Variants in DSG4 observed in about 807,000 individuals in gnomAD.
The protein encoded by DSG4 is desmoglein 4, also known as desmoglein-4.
DSG4 carries 87 observed loss-of-function variants against 93.1 expected under a neutral mutation model. The observed-to-expected ratio is 0.93, with a 90% CI of 0.79 to 1.12. The LOEUF (loss-of-function observed/expected upper bound fraction) is 1.12, where lower values mean the gene tolerates loss of function less well. Among genes scored for constraint, DSG4 ranks in the 50% most tolerant of loss-of-function variants. The pLI, the probability that DSG4 is intolerant of heterozygous loss-of-function variation, is 0.00. For missense variants in DSG4, 1,373 were observed against 1,285.7 expected, an observed-to-expected ratio of 1.07 and a Z score of -1.04; for synonymous variants, 432 against 452.9, an observed-to-expected ratio of 0.95 and a Z score of 0.59.
intron 12 of DSG4, 78 bp downstream of exon 12, chr18:31,406,451 T>C: frequency 6.4e-7 from 1 of 1,568,160 alleles, no homozygotes; most frequent in Non-Finnish European, 8.7e-7. Flanking sequence ...GATGGTTAGG[T>C]TCATGGAGCC....
At chr18:31,387,236 G>A (rs2144170764) in intron 3 of DSG4, among the ~76,000 whole-genome samples, 1 of 152,216 alleles carries the variant, frequency 6.6e-6, no homozygotes, top group East Asian at 1.9e-4. Context: ...TCTACATCCA[G>A]AAAATAAGAG....
Position 31,413,180 on chromosome 18 carries a change from G to A in DSG4, c.2708G>A (p.Gly903Glu). 6.2e-7 allele frequency: 1 copy of A among 1,614,072 alleles called. No homozygotes were observed. The highest frequency in any genetic ancestry group is 1.3e-5 in the African/African-American group (1 of 75,008). ...EMAASEPVVH[G>E]DIIVTETYGN... is the part of the protein sequence containing the mutation. ...GCAGCATCTGAACCCGTGGTCCATG[G>A]GGATATTATTGTGACTGAGACTTAC... The change falls in exon 16 of 16, where the codon GGG becomes GAG. Residue 903 changes from glycine (G) to glutamate (E), a missense_variant. Physicochemically the swap from Gly to Glu is moderately conservative, Grantham distance 98. Transcript: ENST00000308128.
At chr18:31,383,134 C>T (rs1403196101) in intron 1 of DSG4, among the ~76,000 whole-genome samples, 1 of 152,200 alleles carries the variant, frequency 6.6e-6, no homozygotes, top group African/African-American at 2.4e-5. Flanking sequence ...TTTCTTCCTT[C>T]GTCTTTACAA....
rs557277321 is a variant in DSG4 at position 31,403,355 on chromosome 18, T to A, written c.1418-61T>A. ...AGTTCCATGGCATCATCAGGGGATA[T>A]GAGAAAGAGTTTTCTCCCTAACACC... is the stretch of plus-strand genomic sequence containing the variant. On this transcript the variant is annotated intron_variant, in intron 10 of 15. Coordinates refer to ENST00000308128, the MANE Select transcript of DSG4 (RefSeq NM_177986.5). 4,555 of 1,352,682 alleles carry A rather than the reference T, an allele frequency of 3.4e-3. 14 individuals are homozygous for A. The highest frequency in any genetic ancestry group is 4.4e-3 in the Non-Finnish European group (4,195 of 962,232). The allele number at this position is 1,352,682 out of a possible 1,614,324, so 83.8% of individuals were successfully genotyped here.
chr18:31,401,012 C>T lies in DSG4; in HGVS notation c.1409C>T (p.Ala470Val). 1 of 1,596,528 alleles carries T rather than the reference C, an allele frequency of 6.3e-7. No homozygotes were observed. Among genetic ancestry groups the T allele is most frequent in the Non-Finnish European group, 8.5e-7 (1 of 1,171,738 alleles). The change falls in exon 10 of 16, where the codon GCT becomes GTT. Residue 470 changes from alanine (A) to valine (V), a missense_variant. Transcript: ENST00000308128. ...GGGATATACACAGCAGAGATCCTGGCTATAGATGGTAAGAAAATTTATTTT... is the reference window on the plus strand; with the variant it reads ...GGGATATACACAGCAGAGATCCTGGTTATAGATGGTAAGAAAATTTATTTT... ...INGIYTAEIL[A>V]IDDGSGKTAT...
chr18:31,405,727 T>G (rs2072417067), intron 11 of DSG4, among the ~76,000 whole-genome samples: 1 of 151,774 alleles, frequency 6.6e-6, no homozygotes, highest in African/African-American at 2.4e-5. Context: ...CTACTAAATG[T>G]ATATATATTA....
chr18:31,379,664 G>A (rs1168308283), intron 1 of DSG4, among the ~76,000 whole-genome samples: 1 of 152,114 alleles, frequency 6.6e-6, no homozygotes. Flanking sequence ...AAGGTAGGTG[G>A]CTAAATATAG....
chr18:31,386,629 G>C lies in DSG4; in HGVS notation c.85-59G>C, dbSNP rs2072190318. 1.0e-5 allele frequency: 16 copies of C among 1,604,262 alleles called. No homozygotes were observed. In the South Asian group the frequency reaches 1.8e-4, roughly 18 times the overall value. On this transcript the variant is annotated intron_variant, in intron 2 of 15. Transcript: ENST00000308128. ...ATGCACCTTACAATATTAAATAAATGTCCTTTCTAAGTAAAATTGTTCTCA... is the reference window on the plus strand; with the variant it reads ...ATGCACCTTACAATATTAAATAAATCTCCTTTCTAAGTAAAATTGTTCTCA...
intron 8 of DSG4, among the ~76,000 whole-genome samples, chr18:31,397,381 C>T (rs929088488): frequency 6.6e-5 from 10 of 152,144 alleles, no homozygotes; most frequent in Non-Finnish European, 1.2e-4. Flanking sequence ...CCAGCCTCTC[C>T]CTTTACTTTA....
rs375036558 is a variant in DSG4, at chr18:31,411,452, A to C, written c.2355+4A>C. ...CTTGGACAGCTACTTCTCGGAGGTA[A>C]TGCCCTCACAGTCACACATAAAATC... is the stretch of plus-strand genomic sequence containing the variant. On this transcript the variant is annotated splice_donor_region_variant and intron_variant, in intron 15 of 15. Transcript: ENST00000308128. 1.9e-6 allele frequency: 3 copies of C among 1,613,232 alleles called. No individual in the cohort carries two copies. Among genetic ancestry groups the C allele is most frequent in the East Asian group, 4.5e-5 (2 of 44,898 alleles).
intron 1 of DSG4, chr18:31,382,457 T>C (rs1337394481): frequency 6.6e-6 from 1 of 152,252 alleles, no homozygotes; most frequent in Non-Finnish European, 1.5e-5. Flanking sequence ...AAAAGGCTTT[T>C]GTAGGCAAGG....
chr18:31,386,280 A>T (rs945606107), intron 2 of DSG4, among the ~76,000 whole-genome samples: 2 of 152,134 alleles, frequency 1.3e-5, no homozygotes, highest in Non-Finnish European at 2.9e-5. Flanking sequence ...GTTATATGGG[A>T]TGTGCATACA....
rs2072423725 is a variant in DSG4, at chr18:31,406,196, G to A, written c.1756G>A (p.Ala586Thr). 15 of 1,614,040 alleles carry A rather than the reference G, an allele frequency of 9.3e-6. No individual in the cohort carries two copies. Among genetic ancestry groups the A allele is most frequent in the Admixed American group, 5.0e-5 (3 of 60,010 alleles). The change falls in exon 12 of 16, where the codon GCC becomes ACC. Residue 586 changes from alanine to threonine, a missense_variant. Coordinates refer to ENST00000308128, the MANE Select transcript of DSG4 (RefSeq NM_177986.5). Reference sequence around the variant, plus strand: ...ATTGGCACAAATGGTGCAGTTATATGCCTGTGATTGCGATGACAACCACAT... The same window carrying A: ...ATTGGCACAAATGGTGCAGTTATATACCTGTGATTGCGATGACAACCACAT... ...CELAQMVQLY[A>T]CDCDDNHMCL...
chr18:31,409,614 G>C (rs751178593), intron 13 of DSG4, 23 bp downstream of exon 13: 3 of 1,614,220 alleles, frequency 1.9e-6, no homozygotes, highest in Non-Finnish European at 2.5e-6. Flanking sequence ...TCACTCTCCA[G>C]AGAAGTGTGG....
intron 14 of DSG4, among the ~76,000 whole-genome samples, 168 bp downstream of exon 14, chr18:31,409,976 G>A (rs927620497): frequency 6.6e-6 from 1 of 151,996 alleles, no homozygotes; most frequent in Non-Finnish European, 1.5e-5. Context: ...TTTTCTATCT[G>A]AAACTACAGA....
At chr18:31,406,981 A>T (rs949959696) in intron 12 of DSG4, among the ~76,000 whole-genome samples, 40 of 151,894 alleles carry the variant, frequency 2.6e-4, no homozygotes, top group Non-Finnish European at 3.7e-4. Flanking sequence ...TTTCACCATG[A>T]TAGCCAGGAT....
At chr18:31,391,510 G>T (rs1266526291) in intron 7 of DSG4, among the ~76,000 whole-genome samples, 1 of 152,024 alleles carries the variant, frequency 6.6e-6, no homozygotes, top group Non-Finnish European at 1.5e-5. Flanking sequence ...GAATAACATA[G>T]CAACATTAAT....
At chr18:31,381,232 G>A (rs1263638238) in intron 1 of DSG4, among the ~76,000 whole-genome samples, 3 of 152,174 alleles carry the variant, frequency 2.0e-5, no homozygotes, top group African/African-American at 7.2e-5. Flanking sequence ...AAAAAGAGCT[G>A]GAGTGTTTCA....
chr18:31,409,310 G>C, intron 12 of DSG4, 142 bp from the exon 13 acceptor site: 1 of 1,283,310 alleles, frequency 7.8e-7, no homozygotes, highest in Non-Finnish European at 1.1e-6. Context: ...ATCCCCTAAA[G>C]GAAAAAAATG....
Sources: allele counts gnomAD v4.1 joint callset (sites outside exome capture counted in the v4.1 genomes callset), GRCh38; gene constraint gnomAD v4.1.1; transcripts MANE v1.5; gene names NCBI Gene and HGNC (gene_info 2026-07-23, HGNC 2026-07-21).